Variants in TRANK1 observed in about 807,000 individuals in gnomAD.
TRANK1 encodes the protein tetratricopeptide repeat and ankyrin repeat containing 1.
In TRANK1, 198 loss-of-function variants were observed where a neutral mutation model predicts 266.0. The observed-to-expected ratio is 0.74, with a 90% confidence interval of 0.66 to 0.84. The LOEUF (loss-of-function observed/expected upper bound fraction) is 0.84, where lower values mean the gene tolerates loss of function less well. Among genes scored for constraint, TRANK1 ranks in the 40% least tolerant of loss-of-function variants. The pLI, the probability that TRANK1 is intolerant of heterozygous loss-of-function variation, is 0.00. For synonymous variants in TRANK1, 1,396 were observed against 1,384.1 expected, an observed-to-expected ratio of 1.01 and a Z score of -0.19; for missense variants, 3,326 against 3,634.6, an observed-to-expected ratio of 0.92 and a Z score of 2.18.
At chr3:36,851,670 A>C in intron 15 of TRANK1, 49 bp downstream of exon 15, 1 of 1,570,516 alleles carries the variant, frequency 6.4e-7, no homozygotes, top group Non-Finnish European at 8.6e-7. Context: ...AGGGAAGTTC[A>C]GCTCATACAT....
chr3:36,869,088 T>G (rs1465743314), intron 9 of TRANK1, among the ~76,000 whole-genome samples: 1 of 152,246 alleles, frequency 6.6e-6, no homozygotes, highest in Non-Finnish European at 1.5e-5. Flanking sequence ...GACCATTCTG[T>G]AATCTTGACT....
At chr3:36,901,213 T>C (rs557042876) in intron 3 of TRANK1, among the ~76,000 whole-genome samples, 2 of 151,440 alleles carry the variant, frequency 1.3e-5, no homozygotes, top group African/African-American at 2.4e-5. Context: ...ATTCAACAGA[T>C]GCAAAAAGAA....
At chr3:36,870,013 C>G (rs2079282839) in intron 9 of TRANK1, among the ~76,000 whole-genome samples, 1 of 152,244 alleles carries the variant, frequency 6.6e-6, no homozygotes, top group African/African-American at 2.4e-5. Flanking sequence ...CTCTATACAA[C>G]TCTCTGGATG....
intron 16 of TRANK1, 50 bp from the exon 17 acceptor site, chr3:36,846,454 CA>C: frequency 6.4e-7 from 1 of 1,557,178 alleles, no homozygotes; most frequent in Admixed American, 1.9e-5. Flanking sequence ...TCTATAGCTA[CA>C]AAGTGACACA....
chr3:36,944,883 G>A lies in TRANK1; in HGVS notation c.-74C>T. ...GCTTCCCTGTGGGCAGGGCGCGGCG[G>A]GCAGTGCGGAAGCCCGAAAGCTACC... is the stretch of plus-strand genomic sequence containing the variant. On this transcript the variant is annotated 5_prime_UTR_variant, in exon 1 of 24. Coordinates refer to ENST00000645898, the MANE Select transcript of TRANK1 (RefSeq NM_001329998.2). 1 of 1,365,572 alleles carries A rather than the reference G, an allele frequency of 7.3e-7. No individual in the cohort carries two copies. The highest frequency in any genetic ancestry group is 9.4e-7 in the Non-Finnish European group (1 of 1,059,308). 84.6% of individuals were successfully genotyped at this position (1,365,572 alleles called of 1,614,324 possible). A position where few individuals can be genotyped will look rare whatever the true frequency, so the allele number is the denominator to read the frequency against.
chr3:36,904,867 G>A (rs890640992), intron 2 of TRANK1, among the ~76,000 whole-genome samples: 3 of 152,088 alleles, frequency 2.0e-5, no homozygotes, highest in African/African-American at 7.2e-5. Context: ...GTTGGCTGCA[G>A]CTAGAGGTTC....
At chr3:36,922,468 G>T (rs998405090) in intron 1 of TRANK1, among the ~76,000 whole-genome samples, 2 of 152,144 alleles carry the variant, frequency 1.3e-5, no homozygotes, top group African/African-American at 4.8e-5. Flanking sequence ...AGCCGGGTGT[G>T]GTGGTGGGTG....
rs376609774 is a variant in TRANK1, at chr3:36,852,610, T to C, written c.4550-265A>G. 6.1e-4 allele frequency among the ~76,000 whole-genome samples: 92 copies of C among 151,482 alleles called. 2 individuals are homozygous for C. The South Asian group carries it at 0.019, about 31-fold the overall frequency. ...CAACCTATATTCATATTAGAGAAAA[T>C]TACCTCACAAAGAAGAGTCAAGGCA... On this transcript the variant is annotated intron_variant, in intron 13 of 23. Coordinates refer to ENST00000645898, the MANE Select transcript of TRANK1 (RefSeq NM_001329998.2).
At chr3:36,868,345 C>T (rs954775230) in intron 9 of TRANK1, among the ~76,000 whole-genome samples, 1 of 152,044 alleles carries the variant, frequency 6.6e-6, no homozygotes, top group Non-Finnish European at 1.5e-5. Flanking sequence ...AGTCAGTTTC[C>T]AAGAACCTGT....
chr3:36,856,478 TC>T lies in TRANK1; in HGVS notation c.3243del (p.Lys1082ArgfsTer34). The stretch of plus-strand genomic sequence containing the variant: ...AATCTGTACAAGCAGCAGGTTGTCT[TC>T]CCAGTGCCACTTCGCCCAATAAGGA... Reference protein sequence around the residue: ...PIILIGRSGTGKTTCCLYRLW... With the variant: ...PIILIGRSGTXKTTCCLYRLW... On this transcript the variant is annotated frameshift_variant, in exon 13 of 24. Coordinates refer to ENST00000645898, the MANE Select transcript of TRANK1 (RefSeq NM_001329998.2). LOFTEE classifies it high-confidence loss of function. 1 of 1,613,982 alleles carries T rather than the reference TC, an allele frequency of 6.2e-7. No homozygotes were observed. The highest frequency in any genetic ancestry group is 8.5e-7 in the Non-Finnish European group (1 of 1,179,888).
intron 10 of TRANK1, 30 bp downstream of exon 10, chr3:36,864,289 A>G (rs866186883): frequency 6.8e-7 from 1 of 1,471,432 alleles, no homozygotes; most frequent in African/African-American, 1.4e-5. Flanking sequence ...AATCATTTTT[A>G]ACATCATTGA....
At chr3:36,945,706 C>G (rs73826921), upstream of TRANK1, among the ~76,000 whole-genome samples, 4 of 152,194 alleles carry the variant, frequency 2.6e-5, no homozygotes, top group African/African-American at 9.6e-5. Flanking sequence ...CCTAGGGAGC[C>G]GGTTTGGTCT....
intron 1 of TRANK1, among the ~76,000 whole-genome samples, chr3:36,915,014 C>T (rs191192947): frequency 1.4e-4 from 22 of 151,884 alleles, no homozygotes; most frequent in Non-Finnish European, 2.4e-4. Context: ...TGCAGTGGCC[C>T]GATCTCCACT....
chr3:36,860,563 A>AG (rs1350842562), intron 11 of TRANK1, among the ~76,000 whole-genome samples: 1 of 152,224 alleles, frequency 6.6e-6, no homozygotes, highest in Non-Finnish European at 1.5e-5. Flanking sequence ...TGCAAGTCAA[A>AG]GTCTAGCCAG....
chr3:36,891,803 C>A (rs1217682178), intron 7 of TRANK1, among the ~76,000 whole-genome samples: 3 of 152,254 alleles, frequency 2.0e-5, no homozygotes, highest in African/African-American at 4.8e-5. Context: ...TGTCCCACAA[C>A]ACAGCCGTCA....
chr3:36,828,416 G>T (rs764423880), intron 23 of TRANK1, 41 bp from the exon 24 acceptor site: 2 of 733,168 alleles, frequency 2.7e-6, no homozygotes, highest in Non-Finnish European at 4.7e-6. Context: ...AAGGAAAGAA[G>T]GGAGGGAGGG....
At position 36,857,752 on chromosome 3, in the gene TRANK1, C is replaced by A; in HGVS notation, c.1970G>T (p.Arg657Leu). 1 of 1,613,972 alleles carries A rather than the reference C, an allele frequency of 6.2e-7. No individual in the cohort carries two copies. The highest frequency in any genetic ancestry group is 8.5e-7 in the Non-Finnish European group (1 of 1,179,884). ...KALMENRRRS[R>L]QDSAAHLGKL... ...CCCCAGGTGGGCAGCAGAGTCCTGC[C>A]GGCTCCTCCTCCTGTTCTCCATCAG... The change falls in exon 13 of 24, where the codon CGG (arginine) becomes CTG (leucine). Residue 657 changes from arginine (R) to leucine (L), a missense_variant. By Grantham distance (102) the Arg-to-Leu change is moderately radical. Transcript: ENST00000645898. The surrounding 1 kb of genome is among the most constrained non-coding windows in gnomAD (Gnocchi z 4.3).
chr3:36,841,397 C>T (rs2078842055), intron 18 of TRANK1, among the ~76,000 whole-genome samples: 1 of 152,188 alleles, frequency 6.6e-6, no homozygotes, highest in Non-Finnish European at 1.5e-5. Flanking sequence ...CAGCTGCATG[C>T]ATGCGGAACT....
intron 1 of TRANK1, among the ~76,000 whole-genome samples, chr3:36,919,658 A>G (rs1689788898): frequency 6.6e-6 from 1 of 152,212 alleles, no homozygotes. Context: ...GTGACAGGGA[A>G]GATGTGCTAT....
Sources: gnomAD v4.1 joint callset for allele counts (sites outside exome capture counted in the v4.1 genomes callset) on GRCh38, gnomAD v4.1.1 for gene constraint, Gnocchi (gnomAD v3.1) non-coding constraint, MANE v1.5 for transcripts, NCBI Gene and HGNC (gene_info 2026-07-23, HGNC 2026-07-21) for gene names.